PATJ: variants seen among roughly 807,000 people sequenced by gnomAD.
The protein encoded by PATJ is inaD-like protein.
A neutral mutation model predicts 224.9 loss-of-function variants in PATJ; 190 were observed. The observed-to-expected ratio is 0.84, with a 90% CI of 0.75 to 0.95. PATJ has a LOEUF of 0.95. PATJ is among the 40% of genes least tolerant of loss of function. The pLI, the probability that PATJ is intolerant of heterozygous loss-of-function variation, is 0.00. For missense variants in PATJ, 2,121 were observed against 2,270.3 expected, an observed-to-expected ratio of 0.93 and a Z score of 1.34; for synonymous variants, 769 against 820.3, an observed-to-expected ratio of 0.94 and a Z score of 1.07.
At chr1:61,961,095 G>GTA (rs776454312) in intron 27 of PATJ, among the ~76,000 whole-genome samples, 2 of 152,184 alleles carry the variant, frequency 1.3e-5, no homozygotes, top group Non-Finnish European at 2.9e-5. Context: ...ATCTGGAACA[G>GTA]TACCTTTGGG....
intron 17 of PATJ, among the ~76,000 whole-genome samples, chr1:61,838,521 A>ATTTTTTTTTTTTTTTTTTTTT (rs34877280): frequency 1.7e-5 from 2 of 115,574 alleles, no homozygotes; most frequent in Non-Finnish European, 3.5e-5. Flanking sequence ...CGCCTGGCTA[A>ATTTTTTTTTTTTTTTTTTTTT]TTTTTTTTTT....
chr1:62,072,727 A>G (rs545565449), intron 31 of PATJ: 8 of 150,158 alleles, frequency 5.3e-5, no homozygotes, highest in East Asian at 1.9e-4. Flanking sequence ...AGCAACATAA[A>G]AAGACCCTGT....
At chr1:61,846,656 G>A (rs1157839491) in intron 17 of PATJ, among the ~76,000 whole-genome samples, 1 of 152,162 alleles carries the variant, frequency 6.6e-6, no homozygotes, top group Admixed American at 6.5e-5. Flanking sequence ...GAGTACAGTG[G>A]TGCTATCTCG....
At chr1:61,995,466 C>T (rs1298039146) in intron 28 of PATJ, among the ~76,000 whole-genome samples, 1 of 152,122 alleles carries the variant, frequency 6.6e-6, no homozygotes, top group Admixed American at 6.5e-5. Flanking sequence ...GTTGAGCATA[C>T]ATTGTGGCTT....
At chr1:61,956,597 T>A (rs1032148448) in intron 27 of PATJ, among the ~76,000 whole-genome samples, 3 of 152,216 alleles carry the variant, frequency 2.0e-5, no homozygotes, top group African/African-American at 4.8e-5. Flanking sequence ...AAGTGTTCGC[T>A]TGAGTATATC....
intron 15 of PATJ, among the ~76,000 whole-genome samples, chr1:61,824,943 T>C (rs1657974983): frequency 6.6e-6 from 1 of 152,192 alleles, no homozygotes; most frequent in African/African-American, 2.4e-5. Flanking sequence ...TGAAGATTTT[T>C]TGAATTCTTA....
intron 14 of PATJ, 110 bp downstream of exon 14, chr1:61,808,640 G>A (rs3790576): frequency 0.47 from 303,153 of 641,216 alleles, 74,670 homozygotes; most frequent in South Asian, 0.63. Flanking sequence ...ATCCTCCCGT[G>A]TTTCCCTCCC....
At chr1:61,825,013 G>C (rs1321111127) in intron 15 of PATJ, among the ~76,000 whole-genome samples, 1 of 152,216 alleles carries the variant, frequency 6.6e-6, no homozygotes, top group Non-Finnish European at 1.5e-5. Flanking sequence ...TTTGGAGTCA[G>C]AAAAGCCACT....
chr1:62,116,997 T>C (rs1664510232), intron 36 of PATJ, 135 bp from the exon 37 acceptor site: 2 of 698,142 alleles, frequency 2.9e-6, no homozygotes, highest in Non-Finnish European at 4.7e-6. Context: ...GAATTCATCC[T>C]CCTCTCTCTA....
intron 34 of PATJ, 36 bp downstream of exon 34, chr1:62,108,556 T>C (rs763581347): frequency 7.7e-7 from 1 of 1,304,740 alleles, no homozygotes; most frequent in African/African-American, 1.5e-5. Context: ...TATCAGTAAA[T>C]GTGGTTCCTT....
At chr1:62,121,474 T>C (rs913291560) in intron 38 of PATJ, among the ~76,000 whole-genome samples, 179 bp downstream of exon 38, 3 of 152,122 alleles carry the variant, frequency 2.0e-5, no homozygotes, top group Non-Finnish European at 4.4e-5. Context: ...TAGAGATTCC[T>C]TCAGTGGTGG....
At chr1:61,930,325 G>C (rs1164831472) in intron 27 of PATJ, among the ~76,000 whole-genome samples, 2 of 152,168 alleles carry the variant, frequency 1.3e-5, no homozygotes, top group African/African-American at 4.8e-5. Flanking sequence ...TAGATCCCAT[G>C]GGTTTTTCTT....
chr1:61,779,488 T>A lies in PATJ; in HGVS notation c.849+4154T>A, dbSNP rs74651318. The stretch of plus-strand genomic sequence containing the variant: ...TAATTTTCCTTTACTTAAAGTCAAC[T>A]GTTTGTATATGCTAATCACATTTAC... On this transcript the variant is annotated intron_variant, in intron 7 of 43. Coordinates refer to ENST00000642238, the MANE Select transcript of PATJ (RefSeq NM_001350145.3). Among the ~76,000 whole-genome samples the A allele has an allele frequency of 9.4e-3, 1,427 of 152,346 alleles. 29 individuals carry two copies. The highest frequency in any genetic ancestry group is 0.033 in the African/African-American group (1,356 of 41,580).
At chr1:61,927,949 T>C (rs1429836498) in intron 27 of PATJ, 120 bp downstream of exon 27, 58 of 700,128 alleles carry the variant, frequency 8.3e-5, no homozygotes, top group Non-Finnish European at 2.3e-6. Context: ...GAATGTATGC[T>C]AAAAAATCAA....
At chr1:61,841,821 C>G (rs1315559184) in intron 17 of PATJ, among the ~76,000 whole-genome samples, 1 of 152,136 alleles carries the variant, frequency 6.6e-6, no homozygotes, top group Non-Finnish European at 1.5e-5. Context: ...ATCCCTGACT[C>G]CTATCCACAT....
At chr1:61,786,241 C>T (rs1371501655) in intron 7 of PATJ, among the ~76,000 whole-genome samples, 3 of 152,244 alleles carry the variant, frequency 2.0e-5, no homozygotes, top group African/African-American at 4.8e-5. Flanking sequence ...AGGCTGGTCT[C>T]GAACTCCTGG....
At chr1:61,920,112 A>G (rs1674070593) in intron 26 of PATJ, among the ~76,000 whole-genome samples, 2 of 152,138 alleles carry the variant, frequency 1.3e-5, no homozygotes, top group African/African-American at 4.8e-5. Context: ...TTTATTTCAC[A>G]TGTTTTCAAG....
chr1:62,138,185 G>A (rs1031495873), intron 41 of PATJ, among the ~76,000 whole-genome samples: 3 of 152,174 alleles, frequency 2.0e-5, no homozygotes, highest in African/African-American at 7.2e-5. Context: ...GACTTAGGAA[G>A]TTCTAGTAAC....
intron 20 of PATJ, among the ~76,000 whole-genome samples, chr1:61,873,961 G>C (rs964998325): frequency 1.3e-5 from 2 of 152,116 alleles, no homozygotes; most frequent in African/African-American, 2.4e-5. Flanking sequence ...TCTTTGCTGA[G>C]AGCTTTCTTT....
Sources: allele counts gnomAD v4.1 joint callset (sites outside exome capture counted in the v4.1 genomes callset), GRCh38; gene constraint gnomAD v4.1.1; transcripts MANE v1.5; gene names NCBI Gene and HGNC (gene_info 2026-07-23, HGNC 2026-07-21).